The following CLVS1 variants were observed in gnomAD, a reference collection of about 807,000 sequenced individuals.
CLVS1 encodes clavesin-1.
A neutral mutation model predicts 33.1 loss-of-function variants in CLVS1; 10 were observed. The ratio of observed to expected loss-of-function variants is 0.30; its 90% CI spans 0.19 to 0.51. CLVS1 has a LOEUF of 0.51. Ranked by LOEUF, CLVS1 falls within the 20% of genes least tolerant of loss-of-function variation. The pLI, the probability that CLVS1 is intolerant of heterozygous loss-of-function variation, is 0.97. For synonymous variants in CLVS1, 163 were observed against 166.1 expected (o/e 0.98, Z 0.14); for missense variants, 343 against 433.4 (o/e 0.79, Z 1.85).
At chr8:61,047,831 T>C in the CLVS1 span, among the ~76,000 whole-genome samples, 5 of 152,170 alleles carry the variant, frequency 3.3e-5, no homozygotes, top group East Asian at 9.6e-4. Flanking sequence ...TTAGGAGATA[T>C]ACCTAATGCT....
intron 2 of CLVS1, among the ~76,000 whole-genome samples, chr8:61,362,115 C>T (rs184545277): frequency 1.6e-4 from 24 of 152,240 alleles, no homozygotes; most frequent in Admixed American, 3.9e-4. Context: ...GCTGAGAACA[C>T]GGGCCAAGCA....
At chr8:61,216,130 A>G (rs1484829492) in intron 2 of CLVS1, among the ~76,000 whole-genome samples, 1 of 152,176 alleles carries the variant, frequency 6.6e-6, no homozygotes, top group African/African-American at 2.4e-5. Flanking sequence ...GTGAATTTAG[A>G]GTTCTCTTAA....
At chr8:61,452,263 C>A (rs1816989920) in intron 3 of CLVS1, among the ~76,000 whole-genome samples, 1 of 152,192 alleles carries the variant, frequency 6.6e-6, no homozygotes, top group African/African-American at 2.4e-5. Flanking sequence ...TGCAACTTTG[C>A]CTACTGTCAA....
chr8:61,297,248 G>C (rs964542460), intron 1 of CLVS1, among the ~76,000 whole-genome samples: 1 of 152,146 alleles, frequency 6.6e-6, no homozygotes, highest in Non-Finnish European at 1.5e-5. Context: ...GGAGTGACAT[G>C]AGCATATTTC....
chr8:61,210,990 G>C (rs1275036150), intron 2 of CLVS1, among the ~76,000 whole-genome samples: 1 of 152,144 alleles, frequency 6.6e-6, no homozygotes, highest in Non-Finnish European at 1.5e-5. Flanking sequence ...ATCAGGAAGG[G>C]ATGAAGAGAG....
intron 2 of CLVS1, among the ~76,000 whole-genome samples, chr8:61,166,825 G>T (rs1390874717): frequency 6.6e-6 from 1 of 150,496 alleles, no homozygotes; most frequent in Non-Finnish European, 1.5e-5. Context: ...AATTTAAAAA[G>T]TTCTATGGTC....
intron 1 of CLVS1, among the ~76,000 whole-genome samples, chr8:61,288,581 G>A (rs1049925436): frequency 6.6e-6 from 1 of 152,220 alleles, no homozygotes; most frequent in African/African-American, 2.4e-5. Context: ...GAAGGCAGGA[G>A]GGAGAGACCC....
At chr8:61,002,468 A>G in the CLVS1 span, among the ~76,000 whole-genome samples, 1 of 151,076 alleles carries the variant, frequency 6.6e-6, no homozygotes, top group Non-Finnish European at 1.5e-5. Context: ...AGCTGGGATT[A>G]CAGGTGCCTG....
At chr8:61,194,383 C>CA (rs138645408) in intron 2 of CLVS1, among the ~76,000 whole-genome samples, 25,108 of 151,788 alleles carry the variant, frequency 0.17, 3,229 homozygotes, top group African/African-American at 0.36. Flanking sequence ...AAATACTAAC[C>CA]AAAAAACCCT....
intron 2 of CLVS1, among the ~76,000 whole-genome samples, chr8:61,274,811 T>C (rs2978518): frequency 0.27 from 40,317 of 152,114 alleles, 6,515 homozygotes; most frequent in Non-Finnish European, 0.35. Context: ...TTAACACTTG[T>C]AGTTTCTTAT....
At chr8:61,238,568 G>T (rs1808619590) in intron 2 of CLVS1, among the ~76,000 whole-genome samples, 1 of 152,186 alleles carries the variant, frequency 6.6e-6, no homozygotes, top group Non-Finnish European at 1.5e-5. Context: ...CAGATGGATA[G>T]ATTTTCTCTG....
intron 1 of CLVS1, among the ~76,000 whole-genome samples, chr8:61,061,141 T>C (rs1804576636): frequency 6.6e-6 from 1 of 152,142 alleles, no homozygotes; most frequent in African/African-American, 2.4e-5. Context: ...AAAACAGAAC[T>C]CCAGCTTCAC....
the CLVS1 span, among the ~76,000 whole-genome samples, chr8:60,993,558 C>G: frequency 6.6e-6 from 1 of 152,214 alleles, no homozygotes; most frequent in Non-Finnish European, 1.5e-5. Flanking sequence ...TGAGGATGAT[C>G]TGGTTTAATA....
At chr8:61,291,001 A>G (rs1809968371) in intron 1 of CLVS1, among the ~76,000 whole-genome samples, 1 of 152,228 alleles carries the variant, frequency 6.6e-6, no homozygotes, top group African/African-American at 2.4e-5. Flanking sequence ...CTTAATTGCC[A>G]ATCTAAGTTT....
At chr8:61,352,630 G>A (rs1812516592) in intron 2 of CLVS1, among the ~76,000 whole-genome samples, 1 of 151,974 alleles carries the variant, frequency 6.6e-6, no homozygotes, top group Non-Finnish European at 1.5e-5. Context: ...GTAGTCTTCA[G>A]AGGAAAGGAA....
chr8:61,203,060 G>A, intron 2 of CLVS1: 1 of 1,305,298 alleles, frequency 7.7e-7, no homozygotes, highest in Admixed American at 1.7e-5. Context: ...AACACCAAAA[G>A]GACCTAGTTC....
At chr8:61,366,043 G>C (rs1813198031) in intron 2 of CLVS1, among the ~76,000 whole-genome samples, 1 of 152,176 alleles carries the variant, frequency 6.6e-6, no homozygotes, top group Non-Finnish European at 1.5e-5. Flanking sequence ...GGATTTACTA[G>C]AATAGACAAG....
chr8:61,184,259 T>C (rs889532412), intron 2 of CLVS1, among the ~76,000 whole-genome samples: 1 of 152,042 alleles, frequency 6.6e-6, no homozygotes, highest in African/African-American at 2.4e-5. Flanking sequence ...ACCGAGGCAT[T>C]GGAAGTAGGA....
chr8:61,103,265 G>A (rs1473288802), intron 1 of CLVS1, among the ~76,000 whole-genome samples: 3 of 151,884 alleles, frequency 2.0e-5, no homozygotes, highest in African/African-American at 7.3e-5. Context: ...AGGGATAGCA[G>A]TGAAAAGGCA....
Sources: gnomAD v4.1 joint callset for allele counts (sites outside exome capture counted in the v4.1 genomes callset) on GRCh38, gnomAD v4.1.1 for gene constraint, MANE v1.5 for transcripts, NCBI Gene and HGNC (gene_info 2026-07-23, HGNC 2026-07-21) for gene names.